Variants in MAFG observed in about 807,000 individuals in gnomAD.
The protein encoded by MAFG is transcription factor MafG.
Under a neutral mutation model 12.2 loss-of-function variants are expected in MAFG, and 3 were observed. The ratio of observed to expected loss-of-function variants is 0.25; its 90% CI spans 0.11 to 0.64. The LOEUF is 0.64. Among genes scored for constraint, MAFG ranks in the 30% least tolerant of loss-of-function variants. The probability of loss-of-function intolerance (pLI) is 0.85; values close to 1 mark genes in which losing one functional copy is unlikely to be tolerated. For missense variants in MAFG, 153 were observed against 235.5 expected, an observed-to-expected ratio of 0.65 and a Z score of 2.29; for synonymous variants, 126 against 109.1, an observed-to-expected ratio of 1.15 and a Z score of -0.96.
Position 81,922,892 on chromosome 17 carries a change from A to C in MAFG, c.202T>G (p.Cys68Gly). ...TTCTGCGTCACCCGCTTCACGCGGC[A>C]GCTGGCAGCGTAGCCGCGGTTCTTG... ...TLKNRGYAAS[C>G]RVKRVTQKEE... Residue 68 changes from cysteine to glycine, a missense_variant, in exon 3 of 3, where the codon TGC (cysteine) becomes GGC (glycine). Cys to Gly is a radical substitution (Grantham distance 159, BLOSUM62 -3). This residue lies in a region of MAFG where 29 missense variants were observed against 75.3 expected (regional missense o/e 0.39). Coordinates refer to ENST00000357736, the MANE Select transcript of MAFG (RefSeq NM_002359.4). 6.2e-7 allele frequency: 1 copy of C among 1,611,114 alleles called. No individual in the cohort carries two copies. The highest frequency in any genetic ancestry group is 8.5e-7 in the Non-Finnish European group (1 of 1,179,270).
At chr17:81,923,312 G>C in intron 1 of MAFG, 98 bp from the exon 2 acceptor site, 1 of 705,568 alleles carries the variant, frequency 1.4e-6, no homozygotes, top group South Asian at 2.0e-5. Context: ...TTGCCGCACA[G>C]CCCGCCCCAG....
rs1177435165 is a variant in MAFG at position 81,924,870 on chromosome 17, C to A, written c.-29-1656G>T. On this transcript the variant is annotated intron_variant, in intron 1 of 2. Coordinates refer to ENST00000357736, the MANE Select transcript of MAFG (RefSeq NM_002359.4). This position sits in a 1 kb window ranked among gnomAD's most constrained non-coding sequence, Gnocchi z 4.7. ...GCCCTGGCACCAGCTTCTCCCACCC[C>A]CATCGCCCCCACCCCTGCTGCTAAG... 6.6e-6 allele frequency among the ~76,000 whole-genome samples: 1 copy of A among 152,232 alleles called. No homozygotes were observed. Among genetic ancestry groups the A allele is most frequent in the African/African-American group, 2.4e-5 (1 of 41,466 alleles).
At chr17:81,927,272 G>C (rs1371320104) in intron 1 of MAFG, among the ~76,000 whole-genome samples, 1 of 151,628 alleles carries the variant, frequency 6.6e-6, no homozygotes, top group Admixed American at 6.6e-5. Context: ...CGGCTCCGCG[G>C]GTCCGCCGCC....
chr17:81,927,962 G>A (rs1011193011), upstream of MAFG: 1 of 152,168 alleles, frequency 6.6e-6, no homozygotes, highest in Non-Finnish European at 1.5e-5. Flanking sequence ...TGCAGCCGGA[G>A]CCTGCCTCGC....
rs2040894773 is a variant in MAFG at position 81,921,939 on chromosome 17, A to G, written c.*666T>C. ...TCATGTAAACAGTGACACGGGACCC[A>G]TCGCAGGGCACACTGGACCCACCCT... On this transcript the variant is annotated 3_prime_UTR_variant, in exon 3 of 3. Coordinates refer to ENST00000357736, the MANE Select transcript of MAFG (RefSeq NM_002359.4). The G allele has an allele frequency of 6.6e-6, 1 of 152,256 alleles. No individual in the cohort carries two copies. The highest frequency in any genetic ancestry group is 1.5e-5 in the Non-Finnish European group (1 of 68,044). The allele number at this position is 152,256 out of a possible 1,614,324, so 9.4% of individuals were successfully genotyped here.
At chr17:81,927,904 G>A (rs954035517), upstream of MAFG, 2 of 152,178 alleles carry the variant, frequency 1.3e-5, no homozygotes, top group Non-Finnish European at 2.9e-5. Flanking sequence ...GGGCGGGCCT[G>A]GGCGCACGGC....
At chr17:81,930,137 A>G (rs1393673873), upstream of MAFG, 1 of 152,392 alleles carries the variant, frequency 6.6e-6, no homozygotes, top group Non-Finnish European at 1.5e-5. The surrounding 1 kb of genome is among the most constrained non-coding windows in gnomAD (Gnocchi z 4.1). Flanking sequence ...TAGCGTCCAC[A>G]CCCAGACGGG....
upstream of MAFG, among the ~76,000 whole-genome samples, chr17:81,931,099 G>A (rs145008138): frequency 3.4e-4 from 52 of 152,248 alleles, 1 homozygote; most frequent in South Asian, 3.5e-3. Flanking sequence ...GTGGACTCTG[G>A]CTCTACCTGC....
intron 1 of MAFG, among the ~76,000 whole-genome samples, chr17:81,925,624 C>G (rs888217012): frequency 2.0e-5 from 3 of 151,934 alleles, no homozygotes; most frequent in Non-Finnish European, 4.4e-5. Flanking sequence ...CTGGCTAACA[C>G]GGTGAAACCC....
intron 1 of MAFG, among the ~76,000 whole-genome samples, chr17:81,925,371 A>C (rs771966460): frequency 6.6e-6 from 1 of 152,232 alleles, no homozygotes; most frequent in Non-Finnish European, 1.5e-5. Context: ...GCCTGAACAC[A>C]GACAGCCCCA....
chr17:81,923,325 T>C, intron 1 of MAFG, 111 bp from the exon 2 acceptor site: 2 of 641,812 alleles, frequency 3.1e-6, no homozygotes, highest in Non-Finnish European at 4.8e-6. Flanking sequence ...CGCCCCAGCC[T>C]GCTGTCCAGG....
chr17:81,923,714 A>C (rs1284545788), intron 1 of MAFG, among the ~76,000 whole-genome samples: 3 of 151,798 alleles, frequency 2.0e-5, no homozygotes, highest in Non-Finnish European at 4.4e-5. Flanking sequence ...AGCCTGGCCA[A>C]TAGCAGGTGA....
rs1210383847 is a variant in MAFG at position 81,919,325 on chromosome 17, A to G, written c.*3280T>C. ...AACATGGGACCTGACCATCGTCCCA[A>G]AGCAGGCTGCAGCCGCTCAGGGCCG... On this transcript the variant is annotated 3_prime_UTR_variant, in exon 3 of 3. Transcript: ENST00000357736. 1 of 152,296 alleles carries G rather than the reference A, an allele frequency of 6.6e-6. No homozygotes were observed. Among genetic ancestry groups the G allele is most frequent in the African/African-American group, 2.4e-5 (1 of 41,476 alleles). 9.4% of individuals were successfully genotyped at this position (152,296 alleles called of 1,614,324 possible). A position where few individuals can be genotyped will look rare whatever the true frequency, so the allele number is the denominator to read the frequency against.
In MAFG at chr17:81,926,077, C is replaced by G. The variant is rs1670410230; in HGVS notation, c.-30+1451G>C. Among the ~76,000 whole-genome samples the G allele has an allele frequency of 6.6e-6, 1 of 151,426 alleles. No homozygotes were observed. Among genetic ancestry groups the G allele is most frequent in the South Asian group, 2.1e-4 (1 of 4,816 alleles). ...AGGGCAAACCACAAAGTAGCCTAAC[C>G]CAGCCATGAAATGAACTCCTGGGCA... On this transcript the variant is annotated intron_variant, in intron 1 of 2. Coordinates refer to ENST00000357736, the MANE Select transcript of MAFG (RefSeq NM_002359.4). This position sits in a 1 kb window ranked among gnomAD's most constrained non-coding sequence, Gnocchi z 4.6.
chr17:81,918,393 A>C lies in MAFG; in HGVS notation c.*4212T>G. 2 of 296,542 alleles carry C rather than the reference A, an allele frequency of 6.7e-6. No individual in the cohort carries two copies. Among genetic ancestry groups the C allele is most frequent in the East Asian group, 6.1e-5 (1 of 16,316 alleles). 18.4% of individuals were successfully genotyped at this position (296,542 alleles called of 1,614,324 possible). A position where few individuals can be genotyped will look rare whatever the true frequency, so the allele number is the denominator to read the frequency against. On this transcript the variant is annotated 3_prime_UTR_variant, in exon 3 of 3. Transcript: ENST00000357736. ...CCAGTGCTGCCCCTCCTGGACAATA[A>C]TTTAGCAATAAATACTGCGCAGGGC...
chr17:81,923,298 G>T, intron 1 of MAFG, 84 bp from the exon 2 acceptor site: 1 of 863,910 alleles, frequency 1.2e-6, no homozygotes, highest in Non-Finnish European at 1.6e-6. Flanking sequence ...GTTCACAAGA[G>T]CCCTTGCCGC....
At position 81,922,964 on chromosome 17, in the gene MAFG, G is replaced by T; in HGVS notation, c.130C>A (p.Leu44Met). 1 of 1,600,450 alleles carries T rather than the reference G, an allele frequency of 6.2e-7. No individual in the cohort carries two copies. The highest frequency in any genetic ancestry group is 8.5e-7 in the Non-Finnish European group (1 of 1,173,738). ...VRELNQHLRG[L>M]SKEEIVQLKQ... Reference sequence around the variant, plus strand: ...AGCTGGACGATCTCCTCCTTGGACAGGCCCCGCAGGTGCTGGTTCAGCTCC... The same window carrying T: ...AGCTGGACGATCTCCTCCTTGGACATGCCCCGCAGGTGCTGGTTCAGCTCC... Residue 44 changes from leucine (L) to methionine (M), a missense_variant, in exon 3 of 3, where the codon CTG becomes ATG. This residue lies in a region of MAFG where 43 missense variants were observed against 65.6 expected (regional missense o/e 0.66). Transcript: ENST00000357736.
At chr17:81,931,070 C>T (rs1009442033), upstream of MAFG, among the ~76,000 whole-genome samples, 14 of 152,220 alleles carry the variant, frequency 9.2e-5, no homozygotes, top group Admixed American at 2.0e-4. Context: ...AGACTTCTCA[C>T]GCACGTCAGG....
In MAFG at chr17:81,921,847, A is replaced by AT. The variant is rs2040893778; in HGVS notation, c.*757_*758insA. On this transcript the variant is annotated 3_prime_UTR_variant, in exon 3 of 3. Coordinates refer to ENST00000357736, the MANE Select transcript of MAFG (RefSeq NM_002359.4). ...TTCTTTAACTTTTAAACATATAATT[A>AT]ATTTAATAACTTTGTAAAAGGAACT... 1 of 152,102 alleles carries AT rather than the reference A, an allele frequency of 6.6e-6. No individual in the cohort carries two copies. Among genetic ancestry groups the AT allele is most frequent in the South Asian group, 2.1e-4 (1 of 4,830 alleles). The allele number at this position is 152,102 out of a possible 1,614,324, so 9.4% of individuals were successfully genotyped here.
Sources: gnomAD v4.1 joint callset for allele counts (sites outside exome capture counted in the v4.1 genomes callset) on GRCh38, gnomAD v4.1.1 for gene constraint, gnomAD v4.1.1 regional missense constraint, Gnocchi (gnomAD v3.1) non-coding constraint, MANE v1.5 for transcripts, NCBI Gene and HGNC (gene_info 2026-07-23, HGNC 2026-07-21) for gene names.